SLC39A11: variants seen among roughly 807,000 people sequenced by gnomAD.
SLC39A11 encodes the protein zinc transporter ZIP11.
SLC39A11 carries 33 observed loss-of-function variants against 36.1 expected under a neutral mutation model. That is an observed-to-expected ratio of 0.91 (90% CI 0.69 to 1.22). The LOEUF (loss-of-function observed/expected upper bound fraction) is 1.22. Among genes scored for constraint, SLC39A11 ranks in the 50% most tolerant of loss-of-function variants. SLC39A11 has a pLI of 0.00. For synonymous variants in SLC39A11, 166 were observed against 170.3 expected (o/e 0.97, Z 0.20); for missense variants, 432 against 430.3 (o/e 1.00, Z -0.03).
intron 4 of SLC39A11, among the ~76,000 whole-genome samples, chr17:72,986,337 G>A (rs997844991): frequency 4.6e-5 from 7 of 152,168 alleles, no homozygotes; most frequent in African/African-American, 9.7e-5. Flanking sequence ...CTGGGGAGCT[G>A]GACAAACTGG....
At chr17:72,943,289 A>G (rs1676798243) in intron 5 of SLC39A11, among the ~76,000 whole-genome samples, 1 of 152,220 alleles carries the variant, frequency 6.6e-6, no homozygotes, top group Non-Finnish European at 1.5e-5. Flanking sequence ...AGCACATCAG[A>G]AGCAGAACCA....
rs1013315067 is a variant in SLC39A11 at position 72,700,041 on chromosome 17, A to G, written c.671+36609T>C. On this transcript the variant is annotated intron_variant, in intron 7 of 9. Transcript: ENST00000255559. The stretch of plus-strand genomic sequence containing the variant: ...GCAAGATAGATCAGGGGTTTCTGCA[A>G]GAACAGAAGCTCTTGGGAGACGAAG... 6.5e-5 allele frequency among the ~76,000 whole-genome samples: 9 copies of G among 138,840 alleles called. 1 individual carries two copies. The highest frequency in any genetic ancestry group is 2.3e-4 in the African/African-American group (9 of 38,470). The allele number at this position is 138,840 out of a possible 152,430, so 91.1% of individuals were successfully genotyped here.
chr17:72,830,277 C>T (rs2078223621), intron 6 of SLC39A11, among the ~76,000 whole-genome samples: 1 of 152,044 alleles, frequency 6.6e-6, no homozygotes, highest in Non-Finnish European at 1.5e-5. Context: ...TAGCATAGAG[C>T]AGATGTGATC....
intron 5 of SLC39A11, among the ~76,000 whole-genome samples, chr17:72,905,049 T>C (rs1159585368): frequency 6.6e-6 from 1 of 151,552 alleles, no homozygotes; most frequent in Non-Finnish European, 1.5e-5. Flanking sequence ...GGCGGGCACC[T>C]GTAGTCCCAG....
At chr17:72,805,917 T>C (rs1374133931) in intron 6 of SLC39A11, among the ~76,000 whole-genome samples, 1 of 151,794 alleles carries the variant, frequency 6.6e-6, no homozygotes, top group Non-Finnish European at 1.5e-5. Flanking sequence ...CCCAGCTAAT[T>C]TTTTTTTGTA....
At chr17:72,757,857 C>T (rs1346296322) in intron 6 of SLC39A11, among the ~76,000 whole-genome samples, 1 of 151,952 alleles carries the variant, frequency 6.6e-6, no homozygotes, top group African/African-American at 2.4e-5. Flanking sequence ...GGCCTGGGGA[C>T]CTAGGAGGTG....
intron 3 of SLC39A11, among the ~76,000 whole-genome samples, chr17:73,072,906 G>A (rs994195250): frequency 2.0e-5 from 3 of 152,234 alleles, no homozygotes; most frequent in South Asian, 2.1e-4. Context: ...CTGGCTGGGC[G>A]CAGTGGCCCA....
intron 5 of SLC39A11, among the ~76,000 whole-genome samples, chr17:72,918,582 T>C (rs2083461095): frequency 6.6e-6 from 1 of 152,216 alleles, no homozygotes; most frequent in Admixed American, 6.5e-5. Flanking sequence ...ACAACCAGCA[T>C]CAGAAGAAGG....
chr17:73,047,196 TTG>T (rs1011301236), intron 3 of SLC39A11, among the ~76,000 whole-genome samples: 20 of 151,760 alleles, frequency 1.3e-4, no homozygotes, highest in African/African-American at 4.6e-4. Context: ...GGCTAATTTT[TTG>T]TGTTTTTAGC....
At chr17:72,696,962 T>G (rs544834182) in intron 7 of SLC39A11, among the ~76,000 whole-genome samples, 31 of 152,360 alleles carry the variant, frequency 2.0e-4, no homozygotes, top group African/African-American at 7.0e-4. Context: ...CTGCTGATTA[T>G]GTGTCTGGGC....
chr17:72,966,714 C>A (rs1015918064), intron 4 of SLC39A11, among the ~76,000 whole-genome samples: 2 of 152,128 alleles, frequency 1.3e-5, no homozygotes, highest in Non-Finnish European at 2.9e-5. Flanking sequence ...GGACTACAGG[C>A]GCCCGCCACC....
intron 5 of SLC39A11, among the ~76,000 whole-genome samples, chr17:72,905,737 G>A (rs1212792441): frequency 1.3e-5 from 2 of 151,878 alleles, no homozygotes; most frequent in African/African-American, 4.8e-5. Flanking sequence ...TGCCACTCCT[G>A]GCATGAAGAA....
intron 2 of SLC39A11, among the ~76,000 whole-genome samples, chr17:73,086,572 C>T (rs998246555): frequency 6.6e-6 from 1 of 152,190 alleles, no homozygotes; most frequent in Admixed American, 6.5e-5. Flanking sequence ...GTAATCCCAG[C>T]AGTCTGGGAG....
At chr17:72,667,613 T>C (rs2070814324) in intron 7 of SLC39A11, among the ~76,000 whole-genome samples, 1 of 152,168 alleles carries the variant, frequency 6.6e-6, no homozygotes, top group African/African-American at 2.4e-5. Flanking sequence ...CTGCTTTGCA[T>C]ATGCTACCAA....
intron 5 of SLC39A11, among the ~76,000 whole-genome samples, chr17:72,858,067 T>C (rs560582469): frequency 6.6e-6 from 1 of 152,356 alleles, no homozygotes; most frequent in Admixed American, 6.5e-5. Context: ...ATGTCCAGAA[T>C]GGTATTTCCT....
At position 72,858,356 on chromosome 17, in the gene SLC39A11, C is replaced by T. The variant is rs374578447; in HGVS notation, c.431-8552G>A. 3.3e-5 allele frequency among the ~76,000 whole-genome samples: 5 copies of T among 152,252 alleles called. 1 individual carries two copies. Among genetic ancestry groups the T allele is most frequent in the African/African-American group, 1.2e-4 (5 of 41,556 alleles). On this transcript the variant is annotated intron_variant, in intron 5 of 9. Coordinates refer to ENST00000255559, the MANE Select transcript of SLC39A11 (RefSeq NM_139177.4). ...CTATGTGTCTGTTTTTATACCAGTA[C>T]CATGCTGTTTTGGTTACTGTAGTCC...
At chr17:72,735,917 T>G (rs185296473) in intron 7 of SLC39A11, among the ~76,000 whole-genome samples, 1 of 151,986 alleles carries the variant, frequency 6.6e-6, no homozygotes, top group Admixed American at 6.6e-5. Flanking sequence ...GTATGGAAGG[T>G]GAGGGAAAAC....
At chr17:73,065,546 G>A (rs1172626465) in intron 3 of SLC39A11, among the ~76,000 whole-genome samples, 4 of 152,134 alleles carry the variant, frequency 2.6e-5, no homozygotes, top group Non-Finnish European at 5.9e-5. Context: ...CTGTTCTCAG[G>A]AGGTCAGGAA....
intron 7 of SLC39A11, among the ~76,000 whole-genome samples, chr17:72,683,462 G>A (rs1174267015): frequency 6.6e-6 from 1 of 151,398 alleles, no homozygotes; most frequent in East Asian, 1.9e-4. Context: ...CAGCCCCTAG[G>A]GTAGCTGGGA....
Sources: allele counts gnomAD v4.1 joint callset (sites outside exome capture counted in the v4.1 genomes callset), GRCh38; gene constraint gnomAD v4.1.1; transcripts MANE v1.5; gene names NCBI Gene and HGNC (gene_info 2026-07-23, HGNC 2026-07-21).